The following SLC50A1 variants were observed in gnomAD, a reference collection of about 807,000 sequenced individuals.
The protein encoded by SLC50A1 is sugar transporter SWEET1.
A neutral mutation model predicts 28.9 loss-of-function variants in SLC50A1; 22 were observed. The ratio of observed to expected loss-of-function variants is 0.76; its 90% CI spans 0.54 to 1.09. SLC50A1 has a LOEUF of 1.09. SLC50A1 is among the 50% of genes least tolerant of loss of function. The pLI is 0.00. For missense variants in SLC50A1, 233 were observed against 273.4 expected (o/e 0.85, Z 1.04); for synonymous variants, 96 against 110.6 (o/e 0.87, Z 0.83).
Position 155,138,437 on chromosome 1 carries a change from T to G in SLC50A1, c.*156T>G. On this transcript the variant is annotated 3_prime_UTR_variant, in exon 6 of 6. Coordinates refer to ENST00000368404, the MANE Select transcript of SLC50A1 (RefSeq NM_018845.4). ...AAAGGACCAAAGAAAAAGCTTTACT[T>G]AGATGATTGATTGGGGCCTAGGAGA... is the stretch of plus-strand genomic sequence containing the variant. 1 of 657,396 alleles carries G rather than the reference T, an allele frequency of 1.5e-6. No homozygotes were observed. Among genetic ancestry groups the G allele is most frequent in the East Asian group, 2.7e-5 (1 of 36,720 alleles). 40.7% of individuals were successfully genotyped at this position (657,396 alleles called of 1,614,324 possible). A position where few individuals can be genotyped will look rare whatever the true frequency, so the allele number is the denominator to read the frequency against.
intron 3 of SLC50A1, 129 bp from the exon 4 acceptor site, chr1:155,137,432 G>T: frequency 7.4e-6 from 8 of 1,074,226 alleles, no homozygotes; most frequent in Non-Finnish European, 1.1e-5. Flanking sequence ...AAGAAGCTGT[G>T]ACAGTGCAGT....
intron 2 of SLC50A1, 79 bp downstream of exon 2, chr1:155,136,455 G>A: frequency 7.0e-7 from 1 of 1,422,270 alleles, no homozygotes; most frequent in Admixed American, 1.9e-5. Context: ...AAGAGTGAAA[G>A]AGGTTTGGCC....
Position 155,138,626 on chromosome 1 carries a change from A to G in SLC50A1, c.*345A>G. ...GATCGCCTGAGGTCAGGAGTTCAAG[A>G]CCAACCTGACTAACATGGTGAAACC... On this transcript the variant is annotated 3_prime_UTR_variant, in exon 6 of 6. Coordinates refer to ENST00000368404, the MANE Select transcript of SLC50A1 (RefSeq NM_018845.4). 1 of 237,012 alleles carries G rather than the reference A, an allele frequency of 4.2e-6. No individual in the cohort carries two copies. The highest frequency in any genetic ancestry group is 8.5e-6 in the Non-Finnish European group (1 of 117,964). 14.7% of individuals were successfully genotyped at this position (237,012 alleles called of 1,614,324 possible). A position where few individuals can be genotyped will look rare whatever the true frequency, so the allele number is the denominator to read the frequency against.
upstream of SLC50A1, chr1:155,135,706 G>A (rs746296381): frequency 5.8e-6 from 9 of 1,549,814 alleles, no homozygotes; most frequent in South Asian, 9.5e-5. Flanking sequence ...CTGGGAAGGC[G>A]CTCGGAGGAG....
chr1:155,138,144 T>C, intron 5 of SLC50A1, 36 bp from the exon 6 acceptor site: 1 of 1,614,168 alleles, frequency 6.2e-7, no homozygotes, highest in Non-Finnish European at 8.5e-7. Flanking sequence ...GATGGAAAAC[T>C]GGCTCCTCTC....
At chr1:155,135,475 G>A, upstream of SLC50A1, 1 of 1,068,330 alleles carries the variant, frequency 9.4e-7, no homozygotes, top group Non-Finnish European at 1.3e-6. Flanking sequence ...GTGGAGCTCT[G>A]GATGGAAAGC....
intron 4 of SLC50A1, 80 bp downstream of exon 4, chr1:155,137,802 G>A: frequency 6.3e-7 from 1 of 1,588,812 alleles, no homozygotes. Flanking sequence ...CAGTCCCGAG[G>A]AAGGGGAGAT....
intron 2 of SLC50A1, 91 bp downstream of exon 2, chr1:155,136,467 G>A (rs1176655153): frequency 3.7e-5 from 46 of 1,250,722 alleles, no homozygotes; most frequent in Middle Eastern, 2.0e-4. Flanking sequence ...GGTTTGGCCG[G>A]GCGCGGTGGC....
At position 155,137,590 on chromosome 1, in the gene SLC50A1, G is replaced by A; in HGVS notation, c.312G>A (p.Leu104=). ...KRVVLLQTAT[L]LGVLLLGYGY... ...TTGTGCTCCTACAGACTGCAACCCT[G>A]CTAGGGGTCCTTCTCCTGGGTTATG... is the stretch of plus-strand genomic sequence containing the variant. The change falls in exon 4 of 6, where the codon CTG becomes CTA. Residue 104 remains leucine (L), a synonymous_variant. Transcript: ENST00000368404. 6.2e-7 allele frequency: 1 copy of A among 1,614,108 alleles called. No homozygotes were observed. Among genetic ancestry groups the A allele is most frequent in the Non-Finnish European group, 8.5e-7 (1 of 1,179,978 alleles).
At position 155,138,736 on chromosome 1, in the gene SLC50A1, A is replaced by C; in HGVS notation, c.*455A>C. 1 of 182,718 alleles carries C rather than the reference A, an allele frequency of 5.5e-6. No individual in the cohort carries two copies. Among genetic ancestry groups the C allele is most frequent in the Admixed American group, 5.3e-5 (1 of 18,706 alleles). The allele number at this position is 182,718 out of a possible 1,614,324, so 11.3% of individuals were successfully genotyped here. ...ATACTTGGGAGGCTGAGGCAGGAGA[A>C]TTGCTTGAACCCAGGAGGTGGAGGT... On this transcript the variant is annotated 3_prime_UTR_variant, in exon 6 of 6. Coordinates refer to ENST00000368404, the MANE Select transcript of SLC50A1 (RefSeq NM_018845.4).
In SLC50A1 at chr1:155,137,586, C is replaced by A; in HGVS notation, c.308C>A (p.Thr103Asn). The change falls in exon 4 of 6, where the codon ACC (threonine) becomes AAC (asparagine). Residue 103 changes from threonine to asparagine, a missense_variant. Transcript: ENST00000368404. ...CGTGTTGTGCTCCTACAGACTGCAACCCTGCTAGGGGTCCTTCTCCTGGGT... is the reference window on the plus strand; with the variant it reads ...CGTGTTGTGCTCCTACAGACTGCAAACCTGCTAGGGGTCCTTCTCCTGGGT... ...RKRVVLLQTATLLGVLLLGYG... is the reference protein window; with the variant it reads ...RKRVVLLQTANLLGVLLLGYG... 1 of 1,614,114 alleles carries A rather than the reference C, an allele frequency of 6.2e-7. No homozygotes were observed. Among genetic ancestry groups the A allele is most frequent in the Non-Finnish European group, 8.5e-7 (1 of 1,179,992 alleles).
upstream of SLC50A1, chr1:155,135,722 C>G (rs550003090): frequency 2.6e-5 from 40 of 1,549,316 alleles, no homozygotes; most frequent in South Asian, 4.8e-4. Flanking sequence ...AGGAGAGGGG[C>G]GCGAGTTCCG....
At chr1:155,137,906 T>A (rs540185905) in intron 4 of SLC50A1, 73 bp from the exon 5 acceptor site, 48 of 1,609,864 alleles carry the variant, frequency 3.0e-5, no homozygotes, top group Non-Finnish European at 4.1e-5. Flanking sequence ...GACCTTTTTC[T>A]TGAGGAAATT....
At position 155,138,375 on chromosome 1, in the gene SLC50A1, CA is replaced by C. The variant is rs1664623696; in HGVS notation, c.*95del. 4 of 1,193,910 alleles carry C rather than the reference CA, an allele frequency of 3.4e-6. No homozygotes were observed. Among genetic ancestry groups the C allele is most frequent in the South Asian group, 1.3e-5 (1 of 77,702 alleles). The allele number at this position is 1,193,910 out of a possible 1,614,324, so 74.0% of individuals were successfully genotyped here. Reference sequence around the variant, plus strand: ...GGCCTGCTGTCCAGCTTCCCAGGTGCAGTGGGTTGTGGGAACAAGAGATGAC... The same window carrying C: ...GGCCTGCTGTCCAGCTTCCCAGGTGCGTGGGTTGTGGGAACAAGAGATGAC... On this transcript the variant is annotated 3_prime_UTR_variant, in exon 6 of 6. Transcript: ENST00000368404.
Position 155,138,423 on chromosome 1 carries a change from G to C in SLC50A1, c.*142G>C, listed in dbSNP as rs1362712719. The C allele has an allele frequency of 1.1e-5, 8 of 706,784 alleles. No homozygotes were observed. Among genetic ancestry groups the C allele is most frequent in the Non-Finnish European group, 1.9e-5 (8 of 420,106 alleles). The allele number at this position is 706,784 out of a possible 1,614,324, so 43.8% of individuals were successfully genotyped here. A position where few individuals can be genotyped will look rare whatever the true frequency, so the allele number is the denominator to read the frequency against. On this transcript the variant is annotated 3_prime_UTR_variant, in exon 6 of 6. Coordinates refer to ENST00000368404, the MANE Select transcript of SLC50A1 (RefSeq NM_018845.4). ...TGACTTTGAGGATAAAAGGACCAAA[G>C]AAAAAGCTTTACTTAGATGATTGAT...
Position 155,137,478 on chromosome 1 carries a change from G to A in SLC50A1, c.283-83G>A, listed in dbSNP as rs140838263. The A allele has an allele frequency of 1.6e-4, 241 of 1,541,334 alleles. 1 individual carries two copies. The African/African-American group carries it at 3.0e-3, about 19-fold the overall frequency. On this transcript the variant is annotated intron_variant, in intron 3 of 5. Coordinates refer to ENST00000368404, the MANE Select transcript of SLC50A1 (RefSeq NM_018845.4). ...TAGACAGCTTGGCTTCCCCATTGGAGCACTGGAGAAGGCAGGATGAATTAA... is the reference window on the plus strand; with the variant it reads ...TAGACAGCTTGGCTTCCCCATTGGAACACTGGAGAAGGCAGGATGAATTAA...
chr1:155,136,123 G>A (rs1571692740), intron 1 of SLC50A1, 132 bp downstream of exon 1: 3 of 1,211,804 alleles, frequency 2.5e-6, no homozygotes, highest in Non-Finnish European at 3.5e-6. Flanking sequence ...GAGGGGACCG[G>A]GGTACAAGGG....
chr1:155,135,699 G>A (rs1488793363), upstream of SLC50A1: 1 of 1,550,214 alleles, frequency 6.5e-7, no homozygotes, highest in Non-Finnish European at 8.7e-7. Context: ...CAGGGTACTG[G>A]GAAGGCGCTC....
intron 2 of SLC50A1, 62 bp from the exon 3 acceptor site, chr1:155,136,766 C>T: frequency 1.3e-6 from 2 of 1,599,482 alleles, no homozygotes; most frequent in Non-Finnish European, 1.7e-6. Flanking sequence ...GAGTGAAAGA[C>T]CCTTTGGGTC....
Sources: gnomAD v4.1 joint callset for allele counts on GRCh38, gnomAD v4.1.1 for gene constraint, MANE v1.5 for transcripts, NCBI Gene and HGNC (gene_info 2026-07-23, HGNC 2026-07-21) for gene names.